Variants in L2HGDH observed in about 807,000 individuals in gnomAD.
L2HGDH encodes the protein L-2-hydroxyglutarate dehydrogenase, mitochondrial.
In L2HGDH, 34 loss-of-function variants were observed where a neutral mutation model predicts 51.5. The observed-to-expected ratio is 0.66, with a 90% CI of 0.50 to 0.88. L2HGDH has a LOEUF of 0.88. Ranked by LOEUF, L2HGDH falls within the 40% of genes least tolerant of loss-of-function variation. The pLI is 0.00. For missense variants in L2HGDH, 558 were observed against 571.9 expected, an observed-to-expected ratio of 0.98 and a Z score of 0.25; for synonymous variants, 198 against 197.9, an observed-to-expected ratio of 1.00 and a Z score of -0.01.
At position 50,244,424 on chromosome 14, in the gene L2HGDH, A is replaced by G. The variant is rs1283054558; in HGVS notation, c.*2634T>C. 4.1e-6 allele frequency: 4 copies of G among 985,168 alleles called. No individual in the cohort carries two copies. In the Admixed American group the frequency reaches 2.5e-4, roughly 61 times the overall value. 61.0% of individuals were successfully genotyped at this position (985,168 alleles called of 1,614,324 possible). A position where few individuals can be genotyped will look rare whatever the true frequency, so the allele number is the denominator to read the frequency against. Reference sequence around the variant, plus strand: ...TTAGGACAATCATTTTTTGTAATTCAATGTTTACAACTTAGTATGTATGCA... The same window carrying G: ...TTAGGACAATCATTTTTTGTAATTCGATGTTTACAACTTAGTATGTATGCA... On this transcript the variant is annotated 3_prime_UTR_variant, in exon 10 of 10. Transcript: ENST00000267436.
At chr14:50,280,520 T>G (rs1890209882) in intron 5 of L2HGDH, among the ~76,000 whole-genome samples, 1 of 152,114 alleles carries the variant, frequency 6.6e-6, no homozygotes, top group African/African-American at 2.4e-5. Context: ...ATCAGTTCAG[T>G]CCTGTACTCT....
intron 8 of L2HGDH, among the ~76,000 whole-genome samples, chr14:50,267,341 C>T (rs1889402620): frequency 6.6e-6 from 1 of 151,922 alleles, no homozygotes; most frequent in African/African-American, 2.4e-5. Context: ...AGCCACCACG[C>T]CTAGCTAATT....
intron 9 of L2HGDH, among the ~76,000 whole-genome samples, chr14:50,258,871 TCTCA>T (rs1181183255): frequency 1.3e-5 from 2 of 151,758 alleles, no homozygotes; most frequent in Non-Finnish European, 2.9e-5. Flanking sequence ...TGAGACAGGG[TCTCA>T]CTGTTGTCCA....
Position 50,312,185 on chromosome 14 carries a change from A to G in L2HGDH, c.-35T>C. On this transcript the variant is annotated 5_prime_UTR_variant, in exon 1 of 10. Coordinates refer to ENST00000267436, the MANE Select transcript of L2HGDH (RefSeq NM_024884.3). Reference sequence around the variant, plus strand: ...ACGCTCCCCTCCCTCAGCGCTCAGAAGAAGCCACTTGACCCTCCACGGCCG... The same window carrying G: ...ACGCTCCCCTCCCTCAGCGCTCAGAGGAAGCCACTTGACCCTCCACGGCCG... The G allele has an allele frequency of 6.2e-7, 1 of 1,606,432 alleles. No individual in the cohort carries two copies. The highest frequency in any genetic ancestry group is 8.5e-7 in the Non-Finnish European group (1 of 1,178,788).
intron 7 of L2HGDH, among the ~76,000 whole-genome samples, chr14:50,268,480 T>C (rs1469933419): frequency 6.6e-6 from 1 of 150,940 alleles, no homozygotes; most frequent in Admixed American, 6.6e-5. Context: ...AAAGATGAAC[T>C]GTCTTACTTC....
intron 3 of L2HGDH, among the ~76,000 whole-genome samples, chr14:50,297,337 G>A (rs1252510897): frequency 1.3e-5 from 2 of 151,694 alleles, no homozygotes; most frequent in Non-Finnish European, 2.9e-5. Context: ...CAGATGACAT[G>A]ATCCTGCATA....
chr14:50,270,767 A>G (rs1173682434), intron 6 of L2HGDH, among the ~76,000 whole-genome samples: 1 of 151,764 alleles, frequency 6.6e-6, no homozygotes, highest in East Asian at 1.9e-4. Context: ...CGGCCTCCCA[A>G]AGTGCTGGGA....
rs950511713 is a variant in L2HGDH at position 50,246,088 on chromosome 14, A to G, written c.*970T>C. On this transcript the variant is annotated 3_prime_UTR_variant, in exon 10 of 10. Coordinates refer to ENST00000267436, the MANE Select transcript of L2HGDH (RefSeq NM_024884.3). ...CAGTGAGCCAAGATCGTACCATTGC[A>G]CTCAAGCCTGGGCAACAAGAGTGAA... 1 of 151,992 alleles carries G rather than the reference A, an allele frequency of 6.6e-6. No individual in the cohort carries two copies. The highest frequency in any genetic ancestry group is 2.4e-5 in the African/African-American group (1 of 41,348). 9.4% of individuals were successfully genotyped at this position (151,992 alleles called of 1,614,324 possible).
intron 4 of L2HGDH, chr14:50,293,054 G>C (rs2029868406): frequency 1.8e-6 from 1 of 556,488 alleles, no homozygotes; most frequent in South Asian, 2.4e-5. Context: ...AGCTGGTCAT[G>C]GGGAGCTGTG....
intron 4 of L2HGDH, among the ~76,000 whole-genome samples, chr14:50,285,947 G>A (rs2139169290): frequency 6.6e-6 from 1 of 152,288 alleles, no homozygotes; most frequent in East Asian, 1.9e-4. Flanking sequence ...GGTGAAAAGA[G>A]TCATCATCAC....
intron 4 of L2HGDH, among the ~76,000 whole-genome samples, chr14:50,287,754 G>A (rs1430846670): frequency 7.4e-6 from 1 of 134,836 alleles, no homozygotes; most frequent in Non-Finnish European, 1.5e-5. Flanking sequence ...CTGGAGTGCA[G>A]TGGTGCGATC....
At chr14:50,301,501 G>A (rs569195595) in intron 3 of L2HGDH, among the ~76,000 whole-genome samples, 1 of 152,320 alleles carries the variant, frequency 6.6e-6, no homozygotes, top group African/African-American at 2.4e-5. Flanking sequence ...AAGACATGAA[G>A]TACTGATTCA....
At chr14:50,271,299 C>G (rs953948426) in intron 6 of L2HGDH, among the ~76,000 whole-genome samples, 4 of 152,128 alleles carry the variant, frequency 2.6e-5, no homozygotes, top group African/African-American at 9.7e-5. Flanking sequence ...AAAAAAAATG[C>G]AGATAAGTCC....
chr14:50,308,320 G>A (rs1041197801), intron 1 of L2HGDH, among the ~76,000 whole-genome samples: 1 of 151,382 alleles, frequency 6.6e-6, no homozygotes, highest in Non-Finnish European at 1.5e-5. Context: ...AACCCAGGAG[G>A]CCTCTGCGGT....
intron 4 of L2HGDH, among the ~76,000 whole-genome samples, chr14:50,290,605 A>G (rs959331308): frequency 3.3e-5 from 5 of 152,206 alleles, no homozygotes; most frequent in African/African-American, 4.8e-5. Context: ...TACAGACAAT[A>G]CATAACTGAA....
Position 50,283,853 on chromosome 14 carries a change from A to G in L2HGDH, c.703+18T>C, listed in dbSNP as rs986312155. On this transcript the variant is annotated intron_variant, in intron 5 of 9. Transcript: ENST00000267436. ...GGAGGGCTGACTATATTCAATAGAA[A>G]AGACAAGGATGGCTTACCATCTATA... is the stretch of plus-strand genomic sequence containing the variant. The G allele has an allele frequency of 2.5e-6, 4 of 1,611,078 alleles. No individual in the cohort carries two copies. The African/African-American group carries it at 5.3e-5, about 22-fold the overall frequency.
chr14:50,312,120 C>T lies in L2HGDH; in HGVS notation c.31G>A (p.Ala11Thr), dbSNP rs2031263836. MVPALRYLVG[A>T]CGRARGLFAG... ...AAAAGCCCGCGGGCCCGTCCGCAGG[C>T]ACCAACCAAATAACGCAGCGCTGGC... Residue 11 changes from alanine (A) to threonine (T), a missense_variant, in exon 1 of 10, where the codon GCC becomes ACC. By Grantham distance (58) the Ala-to-Thr change is moderately conservative. Around this residue, in one of 3 missense-constraint regions of L2HGDH, gnomAD observed 194 missense variants for 187.2 expected, o/e 1.04. Transcript: ENST00000267436. 6.2e-7 allele frequency: 1 copy of T among 1,610,074 alleles called. No individual in the cohort carries two copies. The highest frequency in any genetic ancestry group is 1.3e-5 in the African/African-American group (1 of 75,022).
intron 9 of L2HGDH, among the ~76,000 whole-genome samples, chr14:50,264,190 G>A (rs1889207284): frequency 1.3e-5 from 2 of 151,700 alleles, no homozygotes; most frequent in African/African-American, 4.8e-5. Flanking sequence ...GACCCGCCTG[G>A]CTAACAGGAG....
chr14:50,258,713 T>C (rs1410665293), intron 9 of L2HGDH, among the ~76,000 whole-genome samples: 2 of 152,064 alleles, frequency 1.3e-5, no homozygotes, highest in Non-Finnish European at 2.9e-5. Context: ...GGGGTCTTGC[T>C]ATATTGTCCA....
Sources: allele counts gnomAD v4.1 joint callset (sites outside exome capture counted in the v4.1 genomes callset), GRCh38; gene constraint gnomAD v4.1.1; regional missense constraint gnomAD v4.1.1; transcripts MANE v1.5; gene names NCBI Gene and HGNC (gene_info 2026-07-23, HGNC 2026-07-21).